The following CKMT2 variants were observed in gnomAD, a reference collection of about 807,000 sequenced individuals.
CKMT2 encodes creatine kinase S-type, mitochondrial.
Under a neutral mutation model 48.9 loss-of-function variants are expected in CKMT2, and 43 were observed. The observed-to-expected ratio is 0.88, with a 90% CI of 0.69 to 1.13. The LOEUF is 1.13. Ranked by LOEUF, CKMT2 falls within the 50% of genes most tolerant of loss-of-function variation. CKMT2 has a pLI of 0.00. For missense variants in CKMT2, 472 were observed against 555.4 expected (o/e 0.85, Z 1.51); for synonymous variants, 206 against 213.0 (o/e 0.97, Z 0.29).
chr5:81,253,043 C>T (rs1040214359), intron 3 of CKMT2, 150 bp downstream of exon 3: 1 of 793,088 alleles, frequency 1.3e-6, no homozygotes, highest in Non-Finnish European at 2.1e-6. Flanking sequence ...TCCAGCAGAA[C>T]CATCTGGAAT....
At chr5:81,250,993 A>C (rs898174363) in intron 1 of CKMT2, 120 bp from the exon 2 acceptor site, 1 of 700,448 alleles carries the variant, frequency 1.4e-6, no homozygotes, top group Non-Finnish European at 2.5e-6. Flanking sequence ...AGAGAGAGAG[A>C]GAGACAGAGA....
chr5:81,252,743 C>T lies in CKMT2; in HGVS notation c.201C>T (p.Cys67=). The change falls in exon 3 of 10, where the codon TGC becomes TGT. Residue 67 remains cysteine (C), a synonymous_variant. Transcript: ENST00000254035. Reference sequence around the variant, plus strand: ...AGCACAACAACTGCATGGCCGAGTGCCTCACCCCCGCCATTTATGCCAAGC... The same window carrying T: ...AGCACAACAACTGCATGGCCGAGTGTCTCACCCCCGCCATTTATGCCAAGC... ...LRKHNNCMAE[C]LTPAIYAKLR... 7 of 1,614,220 alleles carry T rather than the reference C, an allele frequency of 4.3e-6. No homozygotes were observed. In the Admixed American group the frequency reaches 1.2e-4, roughly 27 times the overall value.
In CKMT2 at chr5:81,252,819, A is replaced by G. The variant is rs1388296311; in HGVS notation, c.277A>G (p.Thr93Ala). 2 of 1,614,204 alleles carry G rather than the reference A, an allele frequency of 1.2e-6. No individual in the cohort carries two copies. Among genetic ancestry groups the G allele is most frequent in the East Asian group, 2.2e-5 (1 of 44,884 alleles). ...NGYTLDQCIQ[T>A]GVDNPGHPFI... ...CTACACGCTGGACCAGTGCATCCAGACTGGAGTGGACAACCCTGGCCACCC... is the reference window on the plus strand; with the variant it reads ...CTACACGCTGGACCAGTGCATCCAGGCTGGAGTGGACAACCCTGGCCACCC... The change falls in exon 3 of 10, where the codon ACT becomes GCT. Residue 93 changes from threonine (T) to alanine (A), a missense_variant. Thr to Ala is a moderately conservative substitution (Grantham distance 58). Transcript: ENST00000254035.
At chr5:81,266,118 T>A in intron 9 of CKMT2, 21 bp from the exon 10 acceptor site, 1 of 1,609,162 alleles carries the variant, frequency 6.2e-7, no homozygotes, top group Non-Finnish European at 8.5e-7. Context: ...AATTAATCAT[T>A]CATCTTCTTC....
chr5:81,264,318 C>T (rs1217442186), intron 9 of CKMT2, among the ~76,000 whole-genome samples: 3 of 152,194 alleles, frequency 2.0e-5, no homozygotes, highest in Admixed American at 2.0e-4. Flanking sequence ...GATGTGGTCC[C>T]ATTGGACATA....
At chr5:81,258,757 G>C (rs113429534) in intron 7 of CKMT2, among the ~76,000 whole-genome samples, 1 of 152,144 alleles carries the variant, frequency 6.6e-6, no homozygotes, top group Non-Finnish European at 1.5e-5. Flanking sequence ...TCTAGGTTGC[G>C]TGCTCCTTAT....
chr5:81,263,429 C>T, intron 8 of CKMT2, 62 bp from the exon 9 acceptor site: 2 of 1,335,268 alleles, frequency 1.5e-6, no homozygotes, highest in Non-Finnish European at 1.0e-6. Context: ...TCAGTAAACG[C>T]ACCAATGATT....
rs749870270 is a variant in CKMT2, at chr5:81,259,268, C to T, written c.1014+14C>T. On this transcript the variant is annotated intron_variant, in intron 8 of 9. Transcript: ENST00000254035. ...AAGCTCAGCAAGGTACTGTTATGTG[C>T]CCAGTGGCCCTGATGGGCCAGGATC... is the stretch of plus-strand genomic sequence containing the variant. 3.1e-6 allele frequency: 5 copies of T among 1,609,096 alleles called. No individual in the cohort carries two copies. Among genetic ancestry groups the T allele is most frequent in the Non-Finnish European group, 4.2e-6 (5 of 1,177,734 alleles).
chr5:81,242,317 G>T, intron 1 of CKMT2: 1 of 359,126 alleles, frequency 2.8e-6, no homozygotes, highest in South Asian at 2.8e-5. Context: ...TTTTTTGTGA[G>T]ACAAAGGTTT....
chr5:81,263,579 A>G lies in CKMT2; in HGVS notation c.1103A>G (p.Tyr368Cys), dbSNP rs1187889463. 1.2e-6 allele frequency: 2 copies of G among 1,612,666 alleles called. No homozygotes were observed. Residue 368 changes from tyrosine (Y) to cysteine (C), a missense_variant, in exon 9 of 10, where the codon TAC becomes TGC. Physicochemically the swap from Tyr to Cys is radical, Grantham distance 194. Transcript: ENST00000254035. ...GVDTAAVADV[Y>C]DISNIDRIGR... The stretch of plus-strand genomic sequence containing the variant: ...GACACTGCCGCGGTCGCAGATGTGT[A>G]CGACATTTCCAACATAGATAGAATT...
rs920121440 is a variant in CKMT2, at chr5:81,233,336, G to A, written c.-62G>A. 4 of 985,774 alleles carry A rather than the reference G, an allele frequency of 4.1e-6. No homozygotes were observed. Among genetic ancestry groups the A allele is most frequent in the South Asian group, 9.4e-5 (2 of 21,294 alleles). The allele number at this position is 985,774 out of a possible 1,614,324, so 61.1% of individuals were successfully genotyped here. A position where few individuals can be genotyped will look rare whatever the true frequency, so the allele number is the denominator to read the frequency against. The stretch of plus-strand genomic sequence containing the variant: ...CAGCTCGCCCTGCATACACTTCTTG[G>A]CTGTGTGCGCTCAGCAGGACGTGGG... On this transcript the variant is annotated 5_prime_UTR_variant, in exon 1 of 10. Transcript: ENST00000254035.
At chr5:81,257,913 T>C in intron 7 of CKMT2, 57 bp downstream of exon 7, 2 of 1,534,918 alleles carry the variant, frequency 1.3e-6, no homozygotes, top group Non-Finnish European at 8.8e-7. Context: ...CCGTATTGTT[T>C]GTTCTTGAAA....
chr5:81,235,803 C>G (rs565230138), intron 1 of CKMT2: 1 of 152,214 alleles, frequency 6.6e-6, no homozygotes, highest in Non-Finnish European at 1.5e-5. Context: ...TAGGAACAAA[C>G]AGGATATTAT....
chr5:81,262,581 G>A (rs1757261475), intron 8 of CKMT2, among the ~76,000 whole-genome samples: 1 of 152,060 alleles, frequency 6.6e-6, no homozygotes, highest in Non-Finnish European at 1.5e-5. Context: ...TGAAATAAAA[G>A]CTCATCATCA....
intron 9 of CKMT2, among the ~76,000 whole-genome samples, chr5:81,265,868 G>A (rs1461713985): frequency 6.6e-6 from 1 of 152,172 alleles, no homozygotes; most frequent in African/African-American, 2.4e-5. Context: ...ATATTTTATA[G>A]CAGACACTGG....
Position 81,266,342 on chromosome 5 carries a change from G to C in CKMT2, c.*84G>C. On this transcript the variant is annotated 3_prime_UTR_variant, in exon 10 of 10. Transcript: ENST00000254035. ...TACTCTGAGAGTTTTTATACACTTG[G>C]AAAAATATAAAATTGTAGATCCTGC... 1 of 1,326,104 alleles carries C rather than the reference G, an allele frequency of 7.5e-7. No individual in the cohort carries two copies. The highest frequency in any genetic ancestry group is 1.0e-6 in the Non-Finnish European group (1 of 953,728). The allele number at this position is 1,326,104 out of a possible 1,614,324, so 82.1% of individuals were successfully genotyped here. A position where few individuals can be genotyped will look rare whatever the true frequency, so the allele number is the denominator to read the frequency against.
chr5:81,259,276 C>T, intron 8 of CKMT2, 22 bp downstream of exon 8: 1 of 1,607,080 alleles, frequency 6.2e-7, no homozygotes, highest in Non-Finnish European at 8.5e-7. Flanking sequence ...TGCCCAGTGG[C>T]CCTGATGGGC....
At chr5:81,257,689 A>G in intron 6 of CKMT2, 44 bp from the exon 7 acceptor site, 2 of 1,569,832 alleles carry the variant, frequency 1.3e-6, no homozygotes, top group Non-Finnish European at 1.7e-6. Context: ...ATGTGTTGAA[A>G]CAAATGCAAT....
chr5:81,243,823 G>T (rs1467586649), intron 1 of CKMT2, among the ~76,000 whole-genome samples: 4 of 152,138 alleles, frequency 2.6e-5, no homozygotes, highest in Non-Finnish European at 5.9e-5. Context: ...CCGAGTGGCT[G>T]GGATTACAGG....
Sources: allele counts gnomAD v4.1 joint callset (sites outside exome capture counted in the v4.1 genomes callset), GRCh38; gene constraint gnomAD v4.1.1; transcripts MANE v1.5; gene names NCBI Gene and HGNC (gene_info 2026-07-23, HGNC 2026-07-21).